The following PLAG1 variants were observed in gnomAD, a reference collection of about 807,000 sequenced individuals.
The protein encoded by PLAG1 is PLAG1 zinc finger.
Under a neutral mutation model 35.5 loss-of-function variants are expected in PLAG1, and 7 were observed. The ratio of observed to expected loss-of-function variants is 0.20; its 90% confidence interval spans 0.11 to 0.37. The LOEUF is 0.37. Ranked by LOEUF, PLAG1 falls within the 10% of genes least tolerant of loss-of-function variation. The pLI, the probability that PLAG1 is intolerant of heterozygous loss-of-function variation, is 1.00. For synonymous variants in PLAG1, 229 were observed against 225.4 expected, an observed-to-expected ratio of 1.02 and a Z score of -0.14; for missense variants, 454 against 602.8, an observed-to-expected ratio of 0.75 and a Z score of 2.58.
chr8:56,179,997 C>G (rs1811818528), intron 1 of PLAG1, among the ~76,000 whole-genome samples: 1 of 152,092 alleles, frequency 6.6e-6, no homozygotes, highest in Non-Finnish European at 1.5e-5. Context: ...CAAGCAGAGG[C>G]AGAATAAGGA....
In PLAG1 at chr8:56,165,384, C is replaced by T; in HGVS notation, c.*859G>A. 1 of 219,328 alleles carries T rather than the reference C, an allele frequency of 4.6e-6. No homozygotes were observed. Among genetic ancestry groups the T allele is most frequent in the East Asian group, 6.7e-5 (1 of 14,960 alleles). 13.6% of individuals were successfully genotyped at this position (219,328 alleles called of 1,614,324 possible). On this transcript the variant is annotated 3_prime_UTR_variant, in exon 5 of 5. Transcript: ENST00000316981. ...AAATAAATTGCTGGCTGCACTTGAC[C>T]CACCCCTTGGATGTGAAAGGTGGAA...
At chr8:56,202,394 C>A (rs1333733319) in intron 1 of PLAG1, among the ~76,000 whole-genome samples, 2 of 152,222 alleles carry the variant, frequency 1.3e-5, no homozygotes, top group African/African-American at 2.4e-5. Flanking sequence ...CACAGGGTGG[C>A]AGCACTGAGA....
intron 1 of PLAG1, among the ~76,000 whole-genome samples, chr8:56,179,860 A>C (rs2129227941): frequency 6.6e-6 from 1 of 152,218 alleles, no homozygotes; most frequent in Admixed American, 6.5e-5. Flanking sequence ...TTTTCAGAAA[A>C]ACCTTTTGTG....
Position 56,162,301 on chromosome 8 carries a change from T to C in PLAG1, c.*3942A>G, listed in dbSNP as rs1811224709. The C allele has an allele frequency of 4.4e-6, 1 of 228,154 alleles. No individual in the cohort carries two copies. Among genetic ancestry groups the C allele is most frequent in the Non-Finnish European group, 8.7e-6 (1 of 114,516 alleles). 14.1% of individuals were successfully genotyped at this position (228,154 alleles called of 1,614,324 possible). On this transcript the variant is annotated 3_prime_UTR_variant, in exon 5 of 5. Coordinates refer to ENST00000316981, the MANE Select transcript of PLAG1 (RefSeq NM_002655.3). ...CTCAGTAGGCTAGAAGCAACTTGGG[T>C]GAACTGGTATTTTTTAACTTACGTA...
At chr8:56,197,749 T>G (rs1812426308) in intron 1 of PLAG1, among the ~76,000 whole-genome samples, 2 of 152,272 alleles carry the variant, frequency 1.3e-5, no homozygotes, top group South Asian at 2.1e-4. Flanking sequence ...GTGTCTGTCT[T>G]TCTTTGGAGC....
intron 1 of PLAG1, among the ~76,000 whole-genome samples, chr8:56,204,804 A>G (rs1339044896): frequency 6.6e-6 from 1 of 151,862 alleles, no homozygotes. Context: ...GGGGGCTCTC[A>G]TTCTCAAAAA....
At chr8:56,208,102 T>C (rs1015116768) in intron 1 of PLAG1, among the ~76,000 whole-genome samples, 13 of 152,154 alleles carry the variant, frequency 8.5e-5, no homozygotes, top group African/African-American at 1.2e-4. Flanking sequence ...TTATTGATAT[T>C]AGTATCTGGT....
intron 1 of PLAG1, among the ~76,000 whole-genome samples, chr8:56,190,297 G>A (rs1336249722): frequency 6.6e-6 from 1 of 152,078 alleles, no homozygotes; most frequent in African/African-American, 2.4e-5. Flanking sequence ...GGAAAGGAGG[G>A]ACTATCTGGA....
rs968652365 is a variant in PLAG1, at chr8:56,163,680, TACACACACACACACACAC to T, written c.*2545_*2562del. 2 of 176,728 alleles carry T rather than the reference TACACACACACACACACAC, an allele frequency of 1.1e-5. No homozygotes were observed. Among genetic ancestry groups the T allele is most frequent in the African/African-American group, 4.8e-5 (2 of 41,592 alleles). 10.9% of individuals were successfully genotyped at this position (176,728 alleles called of 1,614,324 possible). On this transcript the variant is annotated 3_prime_UTR_variant, in exon 5 of 5. Coordinates refer to ENST00000316981, the MANE Select transcript of PLAG1 (RefSeq NM_002655.3). Reference sequence around the variant, plus strand: ...AAGTATGTGTGTGTGTGTGTATATATACACACACACACACACACATACACATACATACATATATGGCGC... The same window carrying T: ...AAGTATGTGTGTGTGTGTGTATATATATACACATACATACATATATGGCGC...
intron 1 of PLAG1, among the ~76,000 whole-genome samples, chr8:56,198,564 C>T (rs901960932): frequency 2.0e-5 from 3 of 152,208 alleles, no homozygotes; most frequent in Non-Finnish European, 4.4e-5. Context: ...CAAGACAGTC[C>T]AGCAAGATGG....
chr8:56,191,247 A>G (rs1812173881), intron 1 of PLAG1, among the ~76,000 whole-genome samples: 3 of 152,180 alleles, frequency 2.0e-5, no homozygotes, highest in Non-Finnish European at 4.4e-5. Flanking sequence ...GAGAAGCAGA[A>G]CATTCTAGAG....
intron 1 of PLAG1, among the ~76,000 whole-genome samples, chr8:56,193,013 T>C (rs537266683): frequency 1.2e-3 from 187 of 152,330 alleles, no homozygotes; most frequent in African/African-American, 4.4e-3. Context: ...ACAGCAGGTA[T>C]GGACCTTACT....
intron 1 of PLAG1, among the ~76,000 whole-genome samples, chr8:56,201,543 G>T (rs1812553993): frequency 6.6e-6 from 1 of 152,204 alleles, no homozygotes; most frequent in East Asian, 1.9e-4. Context: ...CTCTATGCCT[G>T]AAATCTTCAT....
chr8:56,202,525 CT>C (rs1230150637), intron 1 of PLAG1, among the ~76,000 whole-genome samples: 1 of 152,200 alleles, frequency 6.6e-6, no homozygotes, highest in Non-Finnish European at 1.5e-5. Context: ...TAAAAAATTT[CT>C]TTTAATTCTG....
chr8:56,194,465 G>A (rs1437593211), intron 1 of PLAG1, among the ~76,000 whole-genome samples: 4 of 152,218 alleles, frequency 2.6e-5, no homozygotes, highest in African/African-American at 9.6e-5. Context: ...AGGCTGAGGT[G>A]GCAGAAAATG....
Position 56,174,005 on chromosome 8 carries a change from T to C in PLAG1, c.-216-2816A>G, listed in dbSNP as rs186829569. Among the ~76,000 whole-genome samples, 138 of 152,344 alleles carry C rather than the reference T, an allele frequency of 9.1e-4. 1 individual carries two copies. Among genetic ancestry groups the C allele is most frequent in the African/African-American group, 3.1e-3 (127 of 41,584 alleles). ...CTGCTTATTTTAAATTCCATAGTTC[T>C]GATAATCATTTTGCTAAGAGCTGTG... On this transcript the variant is annotated intron_variant, in intron 2 of 4. Coordinates refer to ENST00000316981, the MANE Select transcript of PLAG1 (RefSeq NM_002655.3).
chr8:56,187,592 T>C (rs1438331409), intron 1 of PLAG1, among the ~76,000 whole-genome samples: 1 of 152,210 alleles, frequency 6.6e-6, no homozygotes, highest in Non-Finnish European at 1.5e-5. Context: ...GCAAAGCTGT[T>C]ATATTCAGAG....
intron 1 of PLAG1, among the ~76,000 whole-genome samples, chr8:56,188,739 G>GT (rs1341450139): frequency 6.6e-6 from 1 of 152,168 alleles, no homozygotes; most frequent in African/African-American, 2.4e-5. Flanking sequence ...ATCTTCAACT[G>GT]TAAGAAGAAC....
intron 2 of PLAG1, among the ~76,000 whole-genome samples, chr8:56,176,948 TA>T (rs1275329716): frequency 6.6e-6 from 1 of 152,178 alleles, no homozygotes; most frequent in African/African-American, 2.4e-5. Context: ...AAATACAGAA[TA>T]ATCCAGATTT....
Sources: allele counts gnomAD v4.1 joint callset (sites outside exome capture counted in the v4.1 genomes callset), GRCh38; gene constraint gnomAD v4.1.1; transcripts MANE v1.5; gene names NCBI Gene and HGNC (gene_info 2026-07-23, HGNC 2026-07-21).